The following POLA1 variants were observed in gnomAD, a reference collection of about 807,000 sequenced individuals.
POLA1 encodes the protein DNA polymerase alpha catalytic subunit.
In POLA1, 15 loss-of-function variants were observed where a neutral mutation model predicts 124.0. That is an observed-to-expected ratio of 0.12 (90% CI 0.08 to 0.19). POLA1 has a LOEUF of 0.19. POLA1 is among the 10% of genes least tolerant of loss of function. POLA1 has a pLI of 1.00. For missense variants in POLA1, 886 were observed against 1,103.4 expected (o/e 0.80, Z 2.79); for synonymous variants, 408 against 389.4 (o/e 1.05, Z -0.56).
rs2147024426 is a variant in POLA1, at chrX:24,826,472, C to G, written c.3607C>G (p.Gln1203Glu). The change falls in exon 32 of 37, where the codon CAG (glutamine) becomes GAG (glutamate). Residue 1203 changes from glutamine to glutamate, a missense_variant. Physicochemically the swap from Gln to Glu is conservative, Grantham distance 29. Coordinates refer to ENST00000379068, the MANE Select transcript of POLA1 (RefSeq NM_001330360.2). ...TASQRAYAPE[Q>E]LQKQDNLTID... The stretch of plus-strand genomic sequence containing the variant: ...AAGTCAGAGGGCCTATGCGCCTGAG[C>G]AGCTGCAGAAACAGGATAATCTAAC... 6 of 1,205,675 alleles carry G rather than the reference C, an allele frequency of 5.0e-6. No homozygotes were observed. Among genetic ancestry groups the G allele is most frequent in the Non-Finnish European group, 4.5e-6 (4 of 890,795 alleles).
chrX:24,771,077 A>C (rs1362403973), intron 26 of POLA1, among the ~76,000 whole-genome samples: 1 of 111,575 alleles, frequency 9.0e-6, no homozygotes, highest in Non-Finnish European at 1.9e-5. Flanking sequence ...TCAGCCCAGA[A>C]TGCTGAAGGT....
intron 34 of POLA1, among the ~76,000 whole-genome samples, chrX:24,871,262 T>C (rs1337524875): frequency 8.9e-6 from 1 of 112,096 alleles, no homozygotes; most frequent in Non-Finnish European, 1.9e-5. Context: ...GAGGACCTGC[T>C]CAAACACAGA....
At chrX:24,966,848 A>G (rs2048229421) in intron 36 of POLA1, among the ~76,000 whole-genome samples, 1 of 112,584 alleles carries the variant, frequency 8.9e-6, no homozygotes, top group African/African-American at 3.2e-5. Flanking sequence ...ACACTGTAAT[A>G]AAGAAATCTG....
intron 30 of POLA1, among the ~76,000 whole-genome samples, chrX:24,816,761 G>A (rs898389832): frequency 9.0e-6 from 1 of 111,496 alleles, no homozygotes; most frequent in Non-Finnish European, 1.9e-5. Flanking sequence ...TAGCATGACT[G>A]CATAATTGGC....
At chrX:24,989,429 A>ATT (rs1189054645) in intron 36 of POLA1, among the ~76,000 whole-genome samples, 1 of 102,246 alleles carries the variant, frequency 9.8e-6, no homozygotes, top group African/African-American at 3.5e-5. Flanking sequence ...AGATTTTTAG[A>ATT]TTTTTTTTTT....
chrX:24,973,904 G>A (rs73207280), intron 36 of POLA1, among the ~76,000 whole-genome samples: 2,532 of 111,118 alleles, frequency 0.023, 28 homozygotes, highest in South Asian at 0.035. Flanking sequence ...CAGAAATGTC[G>A]TGAATTTAGT....
intron 26 of POLA1, among the ~76,000 whole-genome samples, chrX:24,771,089 C>T (rs992924657): frequency 1.8e-5 from 2 of 111,359 alleles, no homozygotes; most frequent in African/African-American, 6.5e-5. Flanking sequence ...GCTGAAGGTT[C>T]TTGTGATTCC....
At chrX:24,763,033 C>T (rs770586345) in intron 26 of POLA1, among the ~76,000 whole-genome samples, 3 of 111,724 alleles carry the variant, frequency 2.7e-5, no homozygotes, top group South Asian at 3.8e-4. Flanking sequence ...CCACCACGCC[C>T]GGCCAGATGT....
At chrX:24,878,273 G>C (rs1180858940) in intron 34 of POLA1, among the ~76,000 whole-genome samples, 2 of 111,596 alleles carry the variant, frequency 1.8e-5, no homozygotes, top group African/African-American at 6.5e-5. Context: ...TTTAACATTT[G>C]TCGTTCACTA....
chrX:24,720,132 C>T (rs1293155036), intron 10 of POLA1, among the ~76,000 whole-genome samples: 1 of 111,914 alleles, frequency 8.9e-6, no homozygotes, highest in Non-Finnish European at 1.9e-5. Flanking sequence ...CTCTTTATAC[C>T]TGTGTTCCTT....
intron 36 of POLA1, among the ~76,000 whole-genome samples, chrX:24,948,658 A>G (rs1417701430): frequency 1.8e-5 from 2 of 112,644 alleles, no homozygotes; most frequent in Non-Finnish European, 3.8e-5. Context: ...GTATACTTGG[A>G]ATAAAAAATT....
chrX:24,902,008 A>G (rs996966357), intron 35 of POLA1, among the ~76,000 whole-genome samples: 16 of 110,955 alleles, frequency 1.4e-4, no homozygotes, highest in East Asian at 2.9e-4. Flanking sequence ...GTGCGTGCAC[A>G]CACACACACA....
At chrX:24,706,391 C>T (rs1173980019) in intron 4 of POLA1, among the ~76,000 whole-genome samples, 1 of 111,601 alleles carries the variant, frequency 9.0e-6, no homozygotes, top group Non-Finnish European at 1.9e-5. Context: ...CCATTTCTCC[C>T]AAGAATCCTG....
intron 35 of POLA1, among the ~76,000 whole-genome samples, chrX:24,892,259 C>A (rs1182586859): frequency 1.8e-5 from 2 of 110,634 alleles, no homozygotes; most frequent in Admixed American, 1.9e-4. Context: ...ATAAGAGGTG[C>A]ATTTAAATAC....
At chrX:24,971,972 A>ATT (rs1299521296) in intron 36 of POLA1, among the ~76,000 whole-genome samples, 1 of 102,121 alleles carries the variant, frequency 9.8e-6, no homozygotes, top group East Asian at 2.9e-4. Flanking sequence ...ATTTTATTTT[A>ATT]TTTTATTTTA....
At chrX:24,791,106 A>T (rs2045487422) in intron 26 of POLA1, among the ~76,000 whole-genome samples, 1 of 110,029 alleles carries the variant, frequency 9.1e-6, no homozygotes, top group Non-Finnish European at 1.9e-5. Flanking sequence ...AAATGGACTT[A>T]TTATACAGCC....
intron 1 of POLA1, among the ~76,000 whole-genome samples, chrX:24,698,238 G>T (rs1409608730): frequency 2.7e-5 from 3 of 111,858 alleles, no homozygotes; most frequent in Non-Finnish European, 5.6e-5. Context: ...CACTGCATCC[G>T]CTTGAATTTT....
chrX:24,764,336 T>C (rs901054203), intron 26 of POLA1, among the ~76,000 whole-genome samples: 3 of 112,186 alleles, frequency 2.7e-5, no homozygotes, highest in Admixed American at 9.4e-5. Context: ...CCAGTTTGTA[T>C]GCTATTTGCC....
chrX:24,952,138 C>T (rs971423096), intron 36 of POLA1, among the ~76,000 whole-genome samples: 10 of 112,206 alleles, frequency 8.9e-5, no homozygotes, highest in Non-Finnish European at 1.5e-4. Context: ...GTGGCAACTT[C>T]ACATGGGGTC....
Sources: gnomAD v4.1 joint callset for allele counts (sites outside exome capture counted in the v4.1 genomes callset) on GRCh38, gnomAD v4.1.1 for gene constraint, MANE v1.5 for transcripts, NCBI Gene and HGNC (gene_info 2026-07-23, HGNC 2026-07-21) for gene names.